Variants in ANGPT1 observed in about 807,000 individuals in gnomAD.
ANGPT1 encodes angiopoietin 1.
A neutral mutation model predicts 62.2 loss-of-function variants in ANGPT1; 17 were observed. The observed-to-expected ratio is 0.27, with a 90% CI of 0.19 to 0.41. The LOEUF (loss-of-function observed/expected upper bound fraction) is 0.41. Ranked by LOEUF, ANGPT1 falls within the 10% of genes least tolerant of loss-of-function variation. The pLI, the probability that ANGPT1 is intolerant of heterozygous loss-of-function variation, is 1.00. For missense variants in ANGPT1, 478 were observed against 594.9 expected (o/e 0.80, Z 2.04); for synonymous variants, 199 against 198.9 (o/e 1.00, Z 0.00).
Position 107,264,270 on chromosome 8 carries a change from A to G in ANGPT1, c.1287T>C (p.Asp429=). ...ILHGADFSTK[D]ADNDNCMCKC... is the part of the protein sequence containing the mutation. ...TGCACATACAGTTGTCATTATCAGC[A>G]TCTTTAGTGCTGAAATCAGCACCGT... Residue 429 remains aspartate, a synonymous_variant, in exon 8 of 9, where the codon GAT becomes GAC. Coordinates refer to ENST00000517746, the MANE Select transcript of ANGPT1 (RefSeq NM_001146.5). The G allele has an allele frequency of 6.2e-7, 1 of 1,613,996 alleles. No individual in the cohort carries two copies. Among genetic ancestry groups the G allele is most frequent in the Non-Finnish European group, 8.5e-7 (1 of 1,179,936 alleles).
intron 1 of ANGPT1, among the ~76,000 whole-genome samples, chr8:107,409,554 GAGA>G (rs1187272208): frequency 2.0e-5 from 3 of 152,146 alleles, no homozygotes; most frequent in African/African-American, 7.2e-5. Context: ...TCCCTTCCTT[GAGA>G]AGTTTTCTCC....
intron 1 of ANGPT1, among the ~76,000 whole-genome samples, chr8:107,473,593 C>A (rs1300576772): frequency 6.6e-6 from 1 of 151,948 alleles, no homozygotes; most frequent in Non-Finnish European, 1.5e-5. Context: ...CAAAATGGAA[C>A]CATAGAGCTT....
intron 1 of ANGPT1, among the ~76,000 whole-genome samples, chr8:107,384,557 C>A (rs1417372923): frequency 6.6e-6 from 1 of 151,928 alleles, no homozygotes; most frequent in East Asian, 1.9e-4. Flanking sequence ...TAACTTTTTT[C>A]ATCCTTTGGT....
At chr8:107,435,123 A>G (rs79545090) in intron 1 of ANGPT1, among the ~76,000 whole-genome samples, 109 of 152,334 alleles carry the variant, frequency 7.2e-4, no homozygotes, top group African/African-American at 2.4e-3. Flanking sequence ...AGGACTGTAA[A>G]TGAGCACAAG....
intron 1 of ANGPT1, among the ~76,000 whole-genome samples, chr8:107,369,561 G>A (rs906752206): frequency 1.3e-5 from 2 of 152,168 alleles, no homozygotes; most frequent in East Asian, 1.9e-4. Context: ...TTTCTGACAT[G>A]CCTTCTTCAC....
chr8:107,282,553 C>T (rs1394601141), intron 7 of ANGPT1, among the ~76,000 whole-genome samples: 14 of 51,068 alleles, frequency 2.7e-4, no homozygotes, highest in East Asian at 5.7e-4. Flanking sequence ...ATATATGAAC[C>T]ATATATATAT....
rs1354920861 is a variant in ANGPT1, at chr8:107,415,162, G to C, written c.298-68065C>G. 2.0e-5 allele frequency among the ~76,000 whole-genome samples: 3 copies of C among 152,110 alleles called. No individual in the cohort carries two copies. In the East Asian group the frequency reaches 5.8e-4, roughly 29 times the overall value. ...GGAGTAGTGCTAAAATTAGTTGCTT[G>C]TCAGTGATTCTGGTCACCATGATTA... On this transcript the variant is annotated intron_variant, in intron 1 of 8. Coordinates refer to ENST00000517746, the MANE Select transcript of ANGPT1 (RefSeq NM_001146.5).
chr8:107,267,706 G>GA (rs1813646325), intron 7 of ANGPT1, among the ~76,000 whole-genome samples: 1 of 152,040 alleles, frequency 6.6e-6, no homozygotes, highest in African/African-American at 2.4e-5. Context: ...AAAATTCAAA[G>GA]ATAAAGTCCA....
chr8:107,259,082 C>T (rs1813434526), intron 8 of ANGPT1, among the ~76,000 whole-genome samples: 1 of 152,084 alleles, frequency 6.6e-6, no homozygotes, highest in South Asian at 2.1e-4. Flanking sequence ...GTTTTATGTA[C>T]TAAATATAGA....
chr8:107,269,882 A>C (rs1407634257), intron 7 of ANGPT1, among the ~76,000 whole-genome samples: 2 of 152,024 alleles, frequency 1.3e-5, no homozygotes, highest in Non-Finnish European at 2.9e-5. Flanking sequence ...TTATTTTTTC[A>C]ATTAGCATAT....
At chr8:107,292,251 C>T (rs554155921) in intron 6 of ANGPT1, among the ~76,000 whole-genome samples, 1 of 152,242 alleles carries the variant, frequency 6.6e-6, no homozygotes, top group Admixed American at 6.5e-5. Flanking sequence ...GATGTAATTT[C>T]TAAATTCCTC....
chr8:107,303,216 G>C (rs376748541), intron 5 of ANGPT1, 24 bp downstream of exon 5: 3 of 1,606,058 alleles, frequency 1.9e-6, no homozygotes, highest in Admixed American at 3.4e-5. Flanking sequence ...CTTACATCTT[G>C]TAAACAAACA....
chr8:107,396,785 A>G (rs1006931878), intron 1 of ANGPT1, among the ~76,000 whole-genome samples: 4 of 151,966 alleles, frequency 2.6e-5, no homozygotes, highest in Non-Finnish European at 4.4e-5. Flanking sequence ...GACCCCCTAA[A>G]GTGCTAGGAT....
chr8:107,381,326 G>C (rs1378857020), intron 1 of ANGPT1, among the ~76,000 whole-genome samples: 1 of 152,132 alleles, frequency 6.6e-6, no homozygotes, highest in Non-Finnish European at 1.5e-5. Flanking sequence ...GTGTGTGCCG[G>C]GAACTTGCCC....
intron 1 of ANGPT1, among the ~76,000 whole-genome samples, chr8:107,367,114 A>G (rs1816290525): frequency 6.6e-6 from 1 of 152,062 alleles, no homozygotes. Flanking sequence ...GATGATAAAT[A>G]TTTGCTATTT....
At chr8:107,312,035 G>A (rs1814880464) in intron 4 of ANGPT1, among the ~76,000 whole-genome samples, 1 of 146,436 alleles carries the variant, frequency 6.8e-6, no homozygotes. Flanking sequence ...CTGCACTCCA[G>A]CCTGGGCGAC....
chr8:107,335,072 ATTCT>A (rs903063875), intron 3 of ANGPT1, among the ~76,000 whole-genome samples: 4 of 152,196 alleles, frequency 2.6e-5, no homozygotes, highest in African/African-American at 4.8e-5. Context: ...AAGTTGGGAA[ATTCT>A]TTTAGTTTGT....
At chr8:107,364,017 A>G (rs1469844325) in intron 1 of ANGPT1, among the ~76,000 whole-genome samples, 1 of 152,170 alleles carries the variant, frequency 6.6e-6, no homozygotes, top group African/African-American at 2.4e-5. Context: ...TTTCCTTTTA[A>G]CACTATTTCA....
At chr8:107,297,906 T>C (rs768400792) in intron 5 of ANGPT1, among the ~76,000 whole-genome samples, 2 of 151,580 alleles carry the variant, frequency 1.3e-5, no homozygotes, top group Non-Finnish European at 2.9e-5. Context: ...TTTAAAAAAA[T>C]AGATGGTAGG....
Sources: gnomAD v4.1 joint callset for allele counts (sites outside exome capture counted in the v4.1 genomes callset) on GRCh38, gnomAD v4.1.1 for gene constraint, MANE v1.5 for transcripts, NCBI Gene and HGNC (gene_info 2026-07-23, HGNC 2026-07-21) for gene names.